Variants in PNPLA1 observed in about 807,000 individuals in gnomAD.
PNPLA1 encodes the protein patatin like domain 1, omega-hydroxyceramide transacylase, also known as omega-hydroxyceramide transacylase.
PNPLA1 carries 36 observed loss-of-function variants against 51.7 expected under a neutral mutation model. That is an observed-to-expected ratio of 0.70 (90% CI 0.53 to 0.92). The LOEUF is 0.92. Among genes scored for constraint, PNPLA1 ranks in the 40% least tolerant of loss-of-function variants. PNPLA1 has a pLI of 0.00. For synonymous variants in PNPLA1, 293 were observed against 280.1 expected (o/e 1.05, Z -0.46); for missense variants, 658 against 682.5 (o/e 0.96, Z 0.40).
At chr6:36,263,879 G>A (rs1471308705) in intron 1 of PNPLA1, among the ~76,000 whole-genome samples, 1 of 152,166 alleles carries the variant, frequency 6.6e-6, no homozygotes, top group Non-Finnish European at 1.5e-5. Context: ...CAGTCAACTA[G>A]AGACCAACCC....
intron 1 of PNPLA1, among the ~76,000 whole-genome samples, chr6:36,254,240 A>T (rs1283832119): frequency 3.9e-5 from 6 of 152,164 alleles, no homozygotes; most frequent in African/African-American, 1.4e-4. Context: ...TTTCAATCAC[A>T]TCCTAATCCC....
intron 1 of PNPLA1, among the ~76,000 whole-genome samples, chr6:36,280,961 T>A (rs746172398): frequency 2.1e-4 from 32 of 152,190 alleles, no homozygotes; most frequent in African/African-American, 6.3e-4. Context: ...GGCTAATTTT[T>A]AAAATTTTTT....
chr6:36,309,801 G>T (rs1771346944), intron 8 of PNPLA1, among the ~76,000 whole-genome samples: 4 of 152,180 alleles, frequency 2.6e-5, no homozygotes. Context: ...CCAAAGGCTG[G>T]GGTAAGGGGT....
intron 1 of PNPLA1, among the ~76,000 whole-genome samples, chr6:36,287,152 TG>T (rs1413392595): frequency 6.6e-6 from 1 of 152,184 alleles, no homozygotes; most frequent in Non-Finnish European, 1.5e-5. Flanking sequence ...AGCTCTTCCT[TG>T]GGGGCATCTC....
At chr6:36,309,405 G>A (rs1053938438) in intron 8 of PNPLA1, among the ~76,000 whole-genome samples, 1 of 152,090 alleles carries the variant, frequency 6.6e-6, no homozygotes, top group Non-Finnish European at 1.5e-5. Context: ...GGAGCTCATG[G>A]TCACGTTCGG....
upstream of PNPLA1, among the ~76,000 whole-genome samples, chr6:36,265,115 C>T (rs758152302): frequency 6.6e-5 from 10 of 152,166 alleles, no homozygotes; most frequent in Middle Eastern, 6.8e-3. Context: ...CTGAGGGGGG[C>T]GGGTCACCTG....
chr6:36,244,797 C>T (rs951580365), intron 1 of PNPLA1, among the ~76,000 whole-genome samples: 1 of 152,242 alleles, frequency 6.6e-6, no homozygotes, highest in African/African-American at 2.4e-5. Flanking sequence ...TGTTGCCAAA[C>T]TTGGGTCTGC....
Position 36,270,643 on chromosome 6 carries a change from G to A in PNPLA1, c.184G>A (p.Ala62Thr). 6.4e-7 allele frequency: 1 copy of A among 1,551,154 alleles called. No homozygotes were observed. Among genetic ancestry groups the A allele is most frequent in the Non-Finnish European group, 8.7e-7 (1 of 1,146,992 alleles). ...GGCAGGTGCTGTGATCGCCGCCCTGGCCATCTGCGGGATTGAAATGGGTGA... is the reference window on the plus strand; with the variant it reads ...GGCAGGTGCTGTGATCGCCGCCCTGACCATCTGCGGGATTGAAATGGGTGA... ...TSAGAVIAAL[A>T]ICGIEMDEYL... Residue 62 changes from alanine to threonine, a missense_variant, in exon 1 of 9, where the codon GCC becomes ACC. Ala to Thr is a moderately conservative substitution (Grantham distance 58). Transcript: ENST00000636260.
In PNPLA1 at chr6:36,291,566, GCTGGGAGGGAGGGACAC is replaced by G; in HGVS notation, c.438+15_438+31del. 1 of 1,226,762 alleles carries G rather than the reference GCTGGGAGGGAGGGACAC, an allele frequency of 8.2e-7. No homozygotes were observed. Among genetic ancestry groups the G allele is most frequent in the East Asian group, 2.6e-5 (1 of 39,054 alleles). 76.0% of individuals were successfully genotyped at this position (1,226,762 alleles called of 1,614,324 possible). ...GAGCTCATTGAGGCAAGGGGGCTGG[GCTGGGAGGGAGGGACAC>G]GGAGGGGGCGGGGGAGGGCGGCTCC... On this transcript the variant is annotated intron_variant, in intron 2 of 8. Transcript: ENST00000636260.
chr6:36,304,813 A>G (rs1443979152), intron 6 of PNPLA1, among the ~76,000 whole-genome samples: 2 of 152,082 alleles, frequency 1.3e-5, no homozygotes, highest in Non-Finnish European at 1.5e-5. Flanking sequence ...TCGGGGGTGG[A>G]TAGAGGGCAT....
chr6:36,306,178 A>C, intron 6 of PNPLA1, 114 bp from the exon 7 acceptor site: 2 of 792,994 alleles, frequency 2.5e-6, no homozygotes, highest in Admixed American at 5.5e-5. Context: ...TTTGAGGACA[A>C]GAGAGTTCTT....
rs555634556 is a variant in PNPLA1 at position 36,289,271 on chromosome 6, A to T, written c.206-2049A>T. Among the ~76,000 whole-genome samples, 3 of 152,178 alleles carry T rather than the reference A, an allele frequency of 2.0e-5. No homozygotes were observed. The East Asian group carries it at 5.8e-4, about 30-fold the overall frequency. The stretch of plus-strand genomic sequence containing the variant: ...CCTGGCTCTCAGGCCTCATGGGAAA[A>T]GCCATTGACCCTTGCCAGGTGTTAA... On this transcript the variant is annotated intron_variant, in intron 1 of 8. Transcript: ENST00000636260.
intron 1 of PNPLA1, among the ~76,000 whole-genome samples, chr6:36,275,036 A>G (rs1187613831): frequency 2.6e-5 from 4 of 152,056 alleles, no homozygotes; most frequent in Admixed American, 2.6e-4. Flanking sequence ...TTTAATTTTA[A>G]TGCTGTCAAA....
intron 1 of PNPLA1, among the ~76,000 whole-genome samples, chr6:36,291,047 G>A (rs764759669): frequency 6.6e-6 from 1 of 152,202 alleles, no homozygotes; most frequent in Non-Finnish European, 1.5e-5. Context: ...TGTCTGTCAC[G>A]TAATGACTCC....
chr6:36,297,467 C>G (rs1561868148), intron 5 of PNPLA1, among the ~76,000 whole-genome samples: 1 of 152,202 alleles, frequency 6.6e-6, no homozygotes, highest in African/African-American at 2.4e-5. Flanking sequence ...CTCCCCTGGG[C>G]TGCTTTCTGG....
At chr6:36,275,111 T>G (rs1259022470) in intron 1 of PNPLA1, among the ~76,000 whole-genome samples, 8 of 152,214 alleles carry the variant, frequency 5.3e-5, no homozygotes. Flanking sequence ...CTAGGTCTCA[T>G]CCTGTCACCC....
At chr6:36,286,819 C>T (rs191823768) in intron 1 of PNPLA1, among the ~76,000 whole-genome samples, 3 of 152,108 alleles carry the variant, frequency 2.0e-5, no homozygotes, top group Admixed American at 6.5e-5. Flanking sequence ...GCTGGGACTA[C>T]AGTGGCATGC....
intron 6 of PNPLA1, among the ~76,000 whole-genome samples, 194 bp downstream of exon 6, chr6:36,302,663 T>C (rs1334272083): frequency 1.3e-5 from 2 of 152,190 alleles, no homozygotes; most frequent in Non-Finnish European, 2.9e-5. Context: ...TCATTTCCCT[T>C]GGTGCAGTGC....
rs1771424528 is a variant in PNPLA1, at chr6:36,312,292, A to G, written c.*406A>G. 1 of 152,300 alleles carries G rather than the reference A, an allele frequency of 6.6e-6. No homozygotes were observed. Among genetic ancestry groups the G allele is most frequent in the Non-Finnish European group, 1.5e-5 (1 of 68,088 alleles). 9.4% of individuals were successfully genotyped at this position (152,300 alleles called of 1,614,324 possible). On this transcript the variant is annotated 3_prime_UTR_variant, in exon 9 of 9. Coordinates refer to ENST00000636260, the MANE Select transcript of PNPLA1 (RefSeq NM_001374623.1). ...TCCCCTTCCTAAAAAAACAAGTATC[A>G]GTTGAACTTTCATACATGGAATGAT...
Sources: gnomAD v4.1 joint callset for allele counts (sites outside exome capture counted in the v4.1 genomes callset) on GRCh38, gnomAD v4.1.1 for gene constraint, MANE v1.5 for transcripts, NCBI Gene and HGNC (gene_info 2026-07-23, HGNC 2026-07-21) for gene names.